The following COL12A1 variants were observed in gnomAD, a reference collection of about 807,000 sequenced individuals.
The protein encoded by COL12A1 is collagen alpha-1(XII) chain.
COL12A1 carries 114 observed loss-of-function variants against 349.7 expected under a neutral mutation model. The observed-to-expected ratio is 0.33, with a 90% CI of 0.28 to 0.38. The LOEUF (loss-of-function observed/expected upper bound fraction) is 0.38, where lower values mean the gene tolerates loss of function less well. COL12A1 is among the 10% of genes least tolerant of loss of function. COL12A1 has a pLI of 1.00. For synonymous variants in COL12A1, 1,369 were observed against 1,329.0 expected, an observed-to-expected ratio of 1.03 and a Z score of -0.66; for missense variants, 3,284 against 3,756.9, an observed-to-expected ratio of 0.87 and a Z score of 3.29.
chr6:75,162,353 C>T (rs1397871981), intron 14 of COL12A1, among the ~76,000 whole-genome samples: 1 of 152,130 alleles, frequency 6.6e-6, no homozygotes, highest in Non-Finnish European at 1.5e-5. Flanking sequence ...AGAAATAACA[C>T]CACACATCTA....
intron 2 of COL12A1, among the ~76,000 whole-genome samples, chr6:75,198,525 A>G (rs1404665745): frequency 2.6e-5 from 4 of 151,824 alleles, no homozygotes; most frequent in Non-Finnish European, 4.4e-5. Context: ...ATACATAAAT[A>G]TGTGGTATTC....
At chr6:75,204,652 A>G (rs1163233794) in intron 1 of COL12A1, among the ~76,000 whole-genome samples, 1 of 152,112 alleles carries the variant, frequency 6.6e-6, no homozygotes, top group Admixed American at 6.5e-5. Flanking sequence ...CACCCTCATG[A>G]ATAAAAATGA....
chr6:75,098,788 G>A (rs1272961222), intron 58 of COL12A1, among the ~76,000 whole-genome samples: 1 of 152,172 alleles, frequency 6.6e-6, no homozygotes, highest in East Asian at 1.9e-4. Context: ...GGCCAGAACT[G>A]CCTAAGCATC....
At chr6:75,086,859 A>G (rs573540559) in intron 65 of COL12A1, among the ~76,000 whole-genome samples, 2 of 152,080 alleles carry the variant, frequency 1.3e-5, no homozygotes, top group Non-Finnish European at 2.9e-5. Flanking sequence ...TCAACTACTC[A>G]TGCACTATTT....
At chr6:75,117,353 G>T (rs767262982) in intron 47 of COL12A1, 29 bp downstream of exon 47, 11 of 1,608,304 alleles carry the variant, frequency 6.8e-6, no homozygotes, top group Non-Finnish European at 2.6e-6. Context: ...AATAAGTGAG[G>T]TTATAGATCC....
chr6:75,177,310 G>A (rs1769012892), intron 12 of COL12A1, among the ~76,000 whole-genome samples: 1 of 151,950 alleles, frequency 6.6e-6, no homozygotes, highest in Non-Finnish European at 1.5e-5. Flanking sequence ...AGTTGCACGC[G>A]CCTGTAATCC....
intron 1 of COL12A1, among the ~76,000 whole-genome samples, chr6:75,203,993 A>C (rs947374607): frequency 2.6e-5 from 4 of 152,212 alleles, no homozygotes; most frequent in African/African-American, 7.2e-5. Context: ...ATGACTTTCC[A>C]AATTATTGGC....
intron 38 of COL12A1, 131 bp downstream of exon 38, chr6:75,128,165 A>C: frequency 1.3e-6 from 1 of 743,352 alleles, no homozygotes; most frequent in Admixed American, 3.2e-5. Flanking sequence ...TAATAAAAAT[A>C]ATACAATATT....
chr6:75,205,091 G>A (rs538246863), intron 1 of COL12A1, among the ~76,000 whole-genome samples: 2 of 151,862 alleles, frequency 1.3e-5, no homozygotes, highest in South Asian at 2.1e-4. Context: ...GGAAACCGCC[G>A]CGGAGATCTC....
chr6:75,123,471 T>C, intron 42 of COL12A1, 67 bp from the exon 43 acceptor site: 1 of 1,278,154 alleles, frequency 7.8e-7, no homozygotes, highest in Non-Finnish European at 1.1e-6. Flanking sequence ...GAAAGTAAAT[T>C]TTAAGAGCAA....
intron 14 of COL12A1, among the ~76,000 whole-genome samples, chr6:75,158,423 C>A (rs1416013442): frequency 2.0e-5 from 3 of 152,126 alleles, no homozygotes; most frequent in African/African-American, 4.8e-5. Flanking sequence ...CCCTGCCAGA[C>A]CTTAATCTTG....
Position 75,087,550 on chromosome 6 carries a change from G to A in COL12A1, c.9181+27C>T, listed in dbSNP as rs371725823. The A allele has an allele frequency of 1.2e-4, 201 of 1,610,966 alleles. No homozygotes were observed. Among genetic ancestry groups the A allele is most frequent in the Middle Eastern group, 3.4e-4 (2 of 5,960 alleles). On this transcript the variant is annotated intron_variant, in intron 65 of 65. Coordinates refer to ENST00000322507, the MANE Select transcript of COL12A1 (RefSeq NM_004370.6). ...TAAAGTTCTTTACTTCAGGTGAGTTGGGGTTCCTACAATGGCAACAACGTA... is the reference window on the plus strand; with the variant it reads ...TAAAGTTCTTTACTTCAGGTGAGTTAGGGTTCCTACAATGGCAACAACGTA...
At chr6:75,118,233 G>A (rs1464825614) in intron 46 of COL12A1, among the ~76,000 whole-genome samples, 1 of 152,088 alleles carries the variant, frequency 6.6e-6, no homozygotes, top group Non-Finnish European at 1.5e-5. Context: ...TGTGTAAGGT[G>A]TATAACATAA....
chr6:75,161,633 A>G (rs1324945732), intron 14 of COL12A1, among the ~76,000 whole-genome samples: 2 of 152,200 alleles, frequency 1.3e-5, no homozygotes, highest in African/African-American at 4.8e-5. Flanking sequence ...CCTATTCAAC[A>G]TAGTATTGGA....
In COL12A1 at chr6:75,181,059, A is replaced by T. The variant is rs371321756; in HGVS notation, c.2044T>A (p.Ser682Thr). ...DDEVTVVEPA[S>T]STSVVLSSLK... ...CTGCTGAGAACAACACTGGTGCTCG[A>T]TGCTGGCTCCACCACAGTGACCTCA... Residue 682 changes from serine (S) to threonine (T), a missense_variant, in exon 11 of 66, where the codon TCG becomes ACG. Transcript: ENST00000322507. The T allele has an allele frequency of 6.2e-7, 1 of 1,614,140 alleles. No homozygotes were observed. The highest frequency in any genetic ancestry group is 1.7e-5 in the Admixed American group (1 of 60,012).
rs763614780 is a variant in COL12A1 at position 75,146,131 on chromosome 6, T to C, written c.4531A>G (p.Lys1511Glu). ...TGYILSYKPV[K>E]DTEPTRPKEV... Reference sequence around the variant, plus strand: ...TTGGGTCTTGTTGGCTCTGTGTCCTTAACAGGTTTGTATGACAAGATGTAG... The same window carrying C: ...TTGGGTCTTGTTGGCTCTGTGTCCTCAACAGGTTTGTATGACAAGATGTAG... Residue 1511 changes from lysine to glutamate, a missense_variant, in exon 24 of 66, where the codon AAG (lysine) becomes GAG (glutamate). Around this residue, in one of 2 missense-constraint regions of COL12A1, gnomAD observed 2,601 missense variants for 2,824.8 expected, o/e 0.92. Coordinates refer to ENST00000322507, the MANE Select transcript of COL12A1 (RefSeq NM_004370.6). The C allele has an allele frequency of 6.2e-7, 1 of 1,611,368 alleles. No individual in the cohort carries two copies. Among genetic ancestry groups the C allele is most frequent in the East Asian group, 2.2e-5 (1 of 44,854 alleles).
intron 7 of COL12A1, 137 bp downstream of exon 7, chr6:75,189,080 C>G (rs996027747): frequency 5.4e-6 from 5 of 931,560 alleles, no homozygotes; most frequent in Non-Finnish European, 7.7e-6. Flanking sequence ...CAATTTAAGT[C>G]TTTAATATTA....
At chr6:75,123,751 C>T (rs1765862406) in intron 42 of COL12A1, among the ~76,000 whole-genome samples, 197 bp downstream of exon 42, 3 of 152,206 alleles carry the variant, frequency 2.0e-5, no homozygotes, top group Admixed American at 2.0e-4. Flanking sequence ...AACTCAATAA[C>T]AGGGACAACT....
intron 37 of COL12A1, among the ~76,000 whole-genome samples, chr6:75,128,937 C>G (rs769293549): frequency 5.9e-5 from 9 of 152,212 alleles, no homozygotes; most frequent in Non-Finnish European, 1.0e-4. Context: ...TTAGCTGAAA[C>G]AGATGGGAAT....
Sources: gnomAD v4.1 joint callset for allele counts (sites outside exome capture counted in the v4.1 genomes callset) on GRCh38, gnomAD v4.1.1 for gene constraint, gnomAD v4.1.1 regional missense constraint, MANE v1.5 for transcripts, NCBI Gene and HGNC (gene_info 2026-07-23, HGNC 2026-07-21) for gene names.